NRG1: variants seen among roughly 807,000 people sequenced by gnomAD.
NRG1 encodes the protein neuregulin 1.
A neutral mutation model predicts 63.8 loss-of-function variants in NRG1; 18 were observed. That is an observed-to-expected ratio of 0.28 (90% CI 0.19 to 0.42). NRG1 has a LOEUF of 0.42. Ranked by LOEUF, NRG1 falls within the 10% of genes least tolerant of loss-of-function variation. NRG1 has a pLI of 1.00. For missense variants in NRG1, 762 were observed against 814.7 expected, an observed-to-expected ratio of 0.94 and a Z score of 0.79; for synonymous variants, 302 against 301.3, an observed-to-expected ratio of 1.00 and a Z score of -0.02.
chr8:31,740,058 G>A (rs1429598349), intron 1 of NRG1, among the ~76,000 whole-genome samples: 1 of 151,864 alleles, frequency 6.6e-6, no homozygotes, highest in East Asian at 1.9e-4. Flanking sequence ...TGTTGCAGCT[G>A]ATATCATTTG....
intron 5 of NRG1, among the ~76,000 whole-genome samples, chr8:32,644,422 A>G (rs749286216): frequency 1.3e-5 from 2 of 152,116 alleles, no homozygotes; most frequent in African/African-American, 2.4e-5. Context: ...TTTTATTGCT[A>G]TAGAGGATTT....
chr8:31,750,863 A>T (rs988750259), intron 1 of NRG1, among the ~76,000 whole-genome samples: 2 of 151,922 alleles, frequency 1.3e-5, no homozygotes, highest in Non-Finnish European at 1.5e-5. Context: ...CCTGGTTCCC[A>T]GCGTGCTTAT....
chr8:32,060,672 G>A (rs1823698887), intron 1 of NRG1, among the ~76,000 whole-genome samples: 1 of 151,918 alleles, frequency 6.6e-6, no homozygotes, highest in South Asian at 2.1e-4. Context: ...AACAACATAT[G>A]TAGCTGTTTC....
chr8:32,203,188 CTTTTTTTTT>C (rs11311144), intron 1 of NRG1, among the ~76,000 whole-genome samples: 1 of 61,462 alleles, frequency 1.6e-5, no homozygotes. Flanking sequence ...AGCAAGCCAG[CTTTTTTTTT>C]TTTTTTTTTT....
intron 6 of NRG1, among the ~76,000 whole-genome samples, chr8:32,738,012 C>T (rs1207120819): frequency 1.3e-5 from 2 of 152,050 alleles, no homozygotes; most frequent in South Asian, 2.1e-4. Context: ...CAGATACGGA[C>T]GCTGTGGTCT....
At chr8:32,530,341 T>C (rs1356172862) in intron 1 of NRG1, among the ~76,000 whole-genome samples, 2 of 152,076 alleles carry the variant, frequency 1.3e-5, no homozygotes, top group Admixed American at 6.6e-5. Context: ...TCTCCTGACC[T>C]TGTGATCCGC....
chr8:32,609,573 TCC>T (rs1845961415), intron 3 of NRG1, among the ~76,000 whole-genome samples: 1 of 122,924 alleles, frequency 8.1e-6, no homozygotes, highest in Non-Finnish European at 1.7e-5. Context: ...CTTCCTTCCT[TCC>T]TTCCTTCCTT....
chr8:32,548,877 ACTC>A (rs763438338), intron 1 of NRG1, 51 bp downstream of exon 1: 1,943 of 1,351,384 alleles, frequency 1.4e-3, no homozygotes, highest in Admixed American at 3.5e-3. Context: ...TGCTCCTCCT[ACTC>A]CTCCTCCTCC....
intron 1 of NRG1, among the ~76,000 whole-genome samples, chr8:32,042,976 G>GTGTGTGTGTGTGTA (rs1563716547): frequency 6.6e-6 from 1 of 151,684 alleles, no homozygotes; most frequent in African/African-American, 2.4e-5. Context: ...GTGTGTGTGT[G>GTGTGTGTGTGTGTA]TGTGTGTGTG....
chr8:32,180,312 C>A (rs1841298113), intron 1 of NRG1, among the ~76,000 whole-genome samples: 1 of 152,118 alleles, frequency 6.6e-6, no homozygotes, highest in African/African-American at 2.4e-5. Context: ...ACAATCTAAT[C>A]CAGGGTCCTA....
In NRG1 at chr8:31,742,455, A is replaced by AT. The variant is rs36040084; in HGVS notation, c.37+103050dup. ...GCAACGACAGACAACTTTTTTAAGA[A>AT]TTTTTTTTTTTTTTTTTTTTTTTTT... On this transcript the variant is annotated intron_variant, in intron 1 of 10. Coordinates refer to the NRG1 transcript ENST00000519301. 8.5e-3 allele frequency among the ~76,000 whole-genome samples: 679 copies of AT among 80,016 alleles called. 18 individuals are homozygous for AT. The highest frequency in any genetic ancestry group is 0.025 in the African/African-American group (511 of 20,414). 52.5% of individuals were successfully genotyped at this position (80,016 alleles called of 152,430 possible).
intron 1 of NRG1, among the ~76,000 whole-genome samples, chr8:32,122,466 C>T (rs1304687568): frequency 2.6e-5 from 4 of 151,952 alleles, no homozygotes; most frequent in Non-Finnish European, 5.9e-5. Context: ...GGTGAAAATC[C>T]TATTCGTAAT....
At chr8:32,345,713 T>C (rs1282893281) in intron 1 of NRG1, among the ~76,000 whole-genome samples, 2 of 152,176 alleles carry the variant, frequency 1.3e-5, no homozygotes, top group Non-Finnish European at 2.9e-5. Context: ...CTCATACCTG[T>C]AATCCCAGCA....
At chr8:31,729,642 T>C (rs1478499576) in intron 1 of NRG1, among the ~76,000 whole-genome samples, 1 of 152,180 alleles carries the variant, frequency 6.6e-6, no homozygotes, top group Non-Finnish European at 1.5e-5. Flanking sequence ...TTGTATCATT[T>C]ACTTATGCCC....
intron 1 of NRG1, among the ~76,000 whole-genome samples, chr8:32,405,923 G>A (rs1813909313): frequency 6.6e-6 from 1 of 152,046 alleles, no homozygotes. Context: ...CTTTCTAATG[G>A]TATAATGTGA....
intron 1 of NRG1, among the ~76,000 whole-genome samples, chr8:31,952,121 G>A (rs1367709651): frequency 6.6e-6 from 1 of 152,166 alleles, no homozygotes; most frequent in East Asian, 1.9e-4. Context: ...ATTCTCAGGA[G>A]TATTATAGGA....
chr8:32,533,474 C>G (rs956474496), intron 1 of NRG1, among the ~76,000 whole-genome samples: 2 of 152,034 alleles, frequency 1.3e-5, no homozygotes, highest in Non-Finnish European at 2.9e-5. Context: ...ATTACCTCAA[C>G]TATATGTTAT....
intron 1 of NRG1, among the ~76,000 whole-genome samples, chr8:32,266,026 C>T (rs1262309632): frequency 1.3e-5 from 2 of 152,032 alleles, no homozygotes; most frequent in Non-Finnish European, 2.9e-5. Flanking sequence ...TTTTGGTATC[C>T]TTGGGGGGTC....
In NRG1 at chr8:31,640,218, C is replaced by T; in HGVS notation, c.37+787C>T. 8.6e-7 allele frequency: 1 copy of T among 1,165,112 alleles called. No homozygotes were observed. Among genetic ancestry groups the T allele is most frequent in the Non-Finnish European group, 1.1e-6 (1 of 944,328 alleles). The allele number at this position is 1,165,112 out of a possible 1,614,324, so 72.2% of individuals were successfully genotyped here. ...GATCGGTGCAGGAGCTAGCTCAGCG[C>T]GCCGCGGTGGTGATCGAGGGAAAGG... On this transcript the variant is annotated intron_variant, in intron 1 of 10. Transcript: ENST00000519301. The surrounding 1 kb of genome is among the most constrained non-coding windows in gnomAD (Gnocchi z 6.3).
Sources: allele counts gnomAD v4.1 joint callset (sites outside exome capture counted in the v4.1 genomes callset), GRCh38; gene constraint gnomAD v4.1.1; non-coding constraint Gnocchi (gnomAD v3.1); transcripts MANE v1.5; gene names NCBI Gene and HGNC (gene_info 2026-07-23, HGNC 2026-07-21).